PDE4D: variants seen among roughly 807,000 people sequenced by gnomAD.
PDE4D encodes 3',5'-cyclic-AMP phosphodiesterase 4D.
A neutral mutation model predicts 87.4 loss-of-function variants in PDE4D; 24 were observed. The ratio of observed to expected loss-of-function variants is 0.27; its 90% confidence interval spans 0.20 to 0.39. The LOEUF (loss-of-function observed/expected upper bound fraction) is 0.39. PDE4D is among the 10% of genes least tolerant of loss of function. The probability of loss-of-function intolerance (pLI) is 1.00; values close to 1 mark genes in which losing one functional copy is unlikely to be tolerated. For synonymous variants in PDE4D, 384 were observed against 383.2 expected (o/e 1.00, Z -0.02); for missense variants, 714 against 1,041.0 (o/e 0.69, Z 4.32).
At chr5:59,259,149 G>A (rs376878214) in intron 1 of PDE4D, among the ~76,000 whole-genome samples, 1 of 151,780 alleles carries the variant, frequency 6.6e-6, no homozygotes, top group East Asian at 1.9e-4. Context: ...ATATTAATAG[G>A]AGTTTTTCCC....
chr5:59,432,508 T>G (rs979721707), intron 1 of PDE4D, among the ~76,000 whole-genome samples: 5 of 152,122 alleles, frequency 3.3e-5, no homozygotes, highest in African/African-American at 1.2e-4. Context: ...TGTGAACATT[T>G]TTCCCTTTAA....
At chr5:60,108,801 A>G (rs1041465337) in intron 2 of PDE4D, among the ~76,000 whole-genome samples, 8 of 152,160 alleles carry the variant, frequency 5.3e-5, no homozygotes, top group African/African-American at 1.7e-4. Context: ...AAAACTGGCT[A>G]GCCCTATGTA....
In PDE4D at chr5:60,143,736, G is replaced by T. The variant is rs192641121; in HGVS notation, c.42+41821C>A. The stretch of plus-strand genomic sequence containing the variant: ...ATGGTTGAGAAACACCCAGCAATAA[G>T]AAAATTTATTGATTATGTTAGAGAT... On this transcript the variant is annotated intron_variant, in intron 2 of 16. Transcript: ENST00000502484. 2.8e-4 allele frequency among the ~76,000 whole-genome samples: 43 copies of T among 151,484 alleles called. No individual in the cohort carries two copies. The East Asian group carries it at 8.0e-3, about 28-fold the overall frequency.
At chr5:60,328,891 C>T (rs954705560) in intron 1 of PDE4D, among the ~76,000 whole-genome samples, 11 of 152,202 alleles carry the variant, frequency 7.2e-5, no homozygotes, top group African/African-American at 2.7e-4. Flanking sequence ...AAGTTGCTGT[C>T]TTTCTGCCAG....
chr5:60,281,437 G>A (rs921393368), intron 1 of PDE4D, among the ~76,000 whole-genome samples: 2 of 152,110 alleles, frequency 1.3e-5, no homozygotes, highest in African/African-American at 4.8e-5. Flanking sequence ...GTCACTAAAT[G>A]TACTGATTCT....
intron 1 of PDE4D, among the ~76,000 whole-genome samples, chr5:59,378,725 C>T (rs915103355): frequency 3.3e-5 from 5 of 152,160 alleles, no homozygotes; most frequent in African/African-American, 1.2e-4. Context: ...TAGTGACAAG[C>T]TTTTGCATTG....
chr5:60,035,662 A>G (rs941027408), intron 2 of PDE4D, among the ~76,000 whole-genome samples: 1 of 152,200 alleles, frequency 6.6e-6, no homozygotes, highest in African/African-American at 2.4e-5. Context: ...TAGTGGGTTA[A>G]TCTTCAATGG....
At chr5:58,985,202 A>G (rs1746129957) in intron 11 of PDE4D, among the ~76,000 whole-genome samples, 1 of 152,190 alleles carries the variant, frequency 6.6e-6, no homozygotes. Flanking sequence ...GGAGTGAGCC[A>G]CTGCACCTGG....
At chr5:59,378,863 T>G (rs972064911) in intron 1 of PDE4D, among the ~76,000 whole-genome samples, 1 of 152,172 alleles carries the variant, frequency 6.6e-6, no homozygotes, top group South Asian at 2.1e-4. Flanking sequence ...AGACCCCTGC[T>G]GTCTCTCCAG....
chr5:60,049,792 G>A (rs1769856149), intron 2 of PDE4D, among the ~76,000 whole-genome samples: 1 of 152,232 alleles, frequency 6.6e-6, no homozygotes, highest in Non-Finnish European at 1.5e-5. Context: ...GGACATTTAA[G>A]TCTGCAGAGG....
intron 1 of PDE4D, among the ~76,000 whole-genome samples, chr5:59,682,312 C>T (rs765587724): frequency 1.3e-5 from 2 of 152,124 alleles, no homozygotes; most frequent in African/African-American, 4.8e-5. Context: ...GTAGGCACCA[C>T]TTGAACTAAA....
chr5:60,497,157 A>T (rs531873144), intron 1 of PDE4D, among the ~76,000 whole-genome samples: 5 of 152,280 alleles, frequency 3.3e-5, no homozygotes, highest in African/African-American at 1.2e-4. Context: ...TACATTTCAC[A>T]TTTCAGTAAG....
intron 1 of PDE4D, among the ~76,000 whole-genome samples, chr5:60,256,272 C>T (rs993638936): frequency 1.3e-5 from 2 of 151,896 alleles, no homozygotes; most frequent in Non-Finnish European, 2.9e-5. Flanking sequence ...ACATCACCAT[C>T]AGTACCACTA....
At chr5:59,877,290 T>C (rs538837887) in intron 1 of PDE4D, among the ~76,000 whole-genome samples, 1 of 152,214 alleles carries the variant, frequency 6.6e-6, no homozygotes, top group Non-Finnish European at 1.5e-5. Flanking sequence ...CAGATTATTA[T>C]GGTGTCTATG....
chr5:59,275,261 A>G, intron 1 of PDE4D: 1 of 1,181,178 alleles, frequency 8.5e-7, no homozygotes, highest in South Asian at 1.3e-5. Context: ...TCGACATCAC[A>G]CAACTTACTA....
chr5:59,126,830 G>T (rs549476440), intron 5 of PDE4D, among the ~76,000 whole-genome samples: 1 of 152,226 alleles, frequency 6.6e-6, no homozygotes, highest in East Asian at 1.9e-4. Flanking sequence ...CATTAATGCC[G>T]TAAAATAAAG....
intron 1 of PDE4D, among the ~76,000 whole-genome samples, chr5:59,431,085 T>C (rs1271333792): frequency 6.6e-6 from 1 of 152,100 alleles, no homozygotes; most frequent in Admixed American, 6.6e-5. Context: ...CACTAAAACG[T>C]TGATGATGAT....
intron 2 of PDE4D, among the ~76,000 whole-genome samples, chr5:60,122,637 C>G (rs1778793247): frequency 6.6e-6 from 1 of 152,152 alleles, no homozygotes; most frequent in African/African-American, 2.4e-5. Flanking sequence ...CCCACAAAAC[C>G]ATTTTCTCCT....
chr5:59,757,886 A>G (rs997537643), intron 1 of PDE4D, among the ~76,000 whole-genome samples: 1 of 152,152 alleles, frequency 6.6e-6, no homozygotes, highest in Admixed American at 6.5e-5. Flanking sequence ...CTACACACAC[A>G]TATTTTTATA....
Sources: allele counts gnomAD v4.1 joint callset (sites outside exome capture counted in the v4.1 genomes callset), GRCh38; gene constraint gnomAD v4.1.1; transcripts MANE v1.5; gene names NCBI Gene and HGNC (gene_info 2026-07-23, HGNC 2026-07-21).